Variants in FAM131B observed in about 807,000 individuals in gnomAD.
FAM131B encodes family with sequence similarity 131 member B.
A neutral mutation model predicts 42.0 loss-of-function variants in FAM131B; 19 were observed. The observed-to-expected ratio is 0.45, with a 90% CI of 0.32 to 0.66. FAM131B has a LOEUF of 0.66. FAM131B is among the 30% of genes least tolerant of loss of function. The probability of loss-of-function intolerance (pLI) is 0.05; values close to 1 mark genes in which losing one functional copy is unlikely to be tolerated. For synonymous variants in FAM131B, 183 were observed against 177.6 expected (o/e 1.03, Z -0.24); for missense variants, 370 against 468.4 (o/e 0.79, Z 1.94).
Position 143,359,177 on chromosome 7 carries a change from G to A in FAM131B, c.268+149C>T. The A allele has an allele frequency of 2.0e-6, 2 of 1,023,004 alleles. No homozygotes were observed. Among genetic ancestry groups the A allele is most frequent in the Non-Finnish European group, 2.9e-6 (2 of 684,552 alleles). The allele number at this position is 1,023,004 out of a possible 1,614,324, so 63.4% of individuals were successfully genotyped here. A position where few individuals can be genotyped will look rare whatever the true frequency, so the allele number is the denominator to read the frequency against. ...CATAGATGGGGTAGTGGAGGGAATG[G>A]CCTGGAGGATGGGAGGCTTGACAGA... is the stretch of plus-strand genomic sequence containing the variant. On this transcript the variant is annotated intron_variant, in intron 4 of 6. Transcript: ENST00000443739. The surrounding 1 kb of genome is among the most constrained non-coding windows in gnomAD (Gnocchi z 5.4).
chr7:143,358,627 G>C lies in FAM131B; in HGVS notation c.466+200C>G, dbSNP rs1212934127. Among the ~76,000 whole-genome samples, 1 of 152,132 alleles carries C rather than the reference G, an allele frequency of 6.6e-6. No homozygotes were observed. Among genetic ancestry groups the C allele is most frequent in the Non-Finnish European group, 1.5e-5 (1 of 68,024 alleles). ...ACCCACAAATCCCATCTAATTACAC[G>C]CATTTTCTGAGATGATTATAAAAAT... On this transcript the variant is annotated intron_variant, in intron 5 of 6. Transcript: ENST00000443739. This position sits in a 1 kb window ranked among gnomAD's most constrained non-coding sequence, Gnocchi z 4.7.
chr7:143,363,939 G>A (rs1005919100), upstream of FAM131B: 23 of 152,328 alleles, frequency 1.5e-4, no homozygotes, highest in African/African-American at 4.8e-4. Context: ...GGTGGCAGAT[G>A]AAGATGTGCA....
At chr7:143,365,219 G>A (rs1388690848), upstream of FAM131B, among the ~76,000 whole-genome samples, 1 of 152,218 alleles carries the variant, frequency 6.6e-6, no homozygotes, top group Non-Finnish European at 1.5e-5. Flanking sequence ...GGAGGGGGAT[G>A]AGACTGTACA....
At chr7:143,360,351 C>G in intron 1 of FAM131B, 2 of 1,416,052 alleles carry the variant, frequency 1.4e-6, no homozygotes, top group South Asian at 1.5e-5. Context: ...ATAGTGCACT[C>G]AGAAAAAGTG....
At chr7:143,374,011 C>T in the FAM131B span, among the ~76,000 whole-genome samples, 5 of 152,146 alleles carry the variant, frequency 3.3e-5, no homozygotes, top group Non-Finnish European at 7.4e-5. Flanking sequence ...TTCCACCTAA[C>T]CATAAAATGC....
rs754357387 is a variant in FAM131B, at chr7:143,356,918, G to C, written c.715C>G (p.Leu239Val). 1.9e-5 allele frequency: 30 copies of C among 1,613,978 alleles called. No homozygotes were observed. The highest frequency in any genetic ancestry group is 1.9e-5 in the Non-Finnish European group (23 of 1,180,036). The part of the protein sequence containing the change: ...SDAWEASDQS[L>V]IASPATGSYL... ...GATCCTGTGGCCGGAGAGGCAATGA[G>C]GGACTGATCGCTGGCTTCCCAGGCA... The change falls in exon 7 of 7, where the codon CTC becomes GTC. Residue 239 changes from leucine to valine, a missense_variant. Leu to Val is a conservative substitution (Grantham distance 32). Transcript: ENST00000443739. This position sits in a 1 kb window ranked among gnomAD's most constrained non-coding sequence, Gnocchi z 4.4.
rs1803559049 is a variant in FAM131B, at chr7:143,354,316, G to A, written c.*2234C>T. The A allele has an allele frequency of 1.3e-5, 2 of 152,238 alleles. No individual in the cohort carries two copies. The highest frequency in any genetic ancestry group is 2.4e-5 in the African/African-American group (1 of 41,448). The allele number at this position is 152,238 out of a possible 1,614,324, so 9.4% of individuals were successfully genotyped here. ...TTGGGAAAGGGAAGGAGGAACGAAA[G>A]CTGCTGTGGTCTACCTTTCCTAACT... On this transcript the variant is annotated 3_prime_UTR_variant, in exon 7 of 7. Transcript: ENST00000443739.
chr7:143,370,857 T>A, the FAM131B span, among the ~76,000 whole-genome samples: 1 of 152,218 alleles, frequency 6.6e-6, no homozygotes, highest in Non-Finnish European at 1.5e-5. Flanking sequence ...TTGTGCGAGA[T>A]CCAAGAACCC....
At chr7:143,381,677 G>A in the FAM131B span, 1 of 1,611,148 alleles carries the variant, frequency 6.2e-7, no homozygotes, top group Non-Finnish European at 8.5e-7. Flanking sequence ...AAAGCCCAAA[G>A]TGAATCCCTT....
Position 143,356,606 on chromosome 7 carries a change from C to A in FAM131B, c.1027G>T (p.Val343Phe). 6.2e-7 allele frequency: 1 copy of A among 1,614,002 alleles called. No individual in the cohort carries two copies. Among genetic ancestry groups the A allele is most frequent in the Non-Finnish European group, 8.5e-7 (1 of 1,180,016 alleles). The change falls in exon 7 of 7, where the codon GTC (valine) becomes TTC (phenylalanine). Residue 343 changes from valine to phenylalanine, a missense_variant. Coordinates refer to ENST00000443739, the MANE Select transcript of FAM131B (RefSeq NM_001031690.3). The surrounding 1 kb of genome is among the most constrained non-coding windows in gnomAD (Gnocchi z 4.4). Reference sequence around the variant, plus strand: ...AAGGACTGCACACCTGAGGATGTGACGTCAGACACCTTCCGGCTGAGAGCG... The same window carrying A: ...AAGGACTGCACACCTGAGGATGTGAAGTCAGACACCTTCCGGCTGAGAGCG... ...STALSRKVSD[V>F]TSSGVQSFDE...
At chr7:143,367,034 C>T (rs1027370561), upstream of FAM131B, among the ~76,000 whole-genome samples, 1 of 152,136 alleles carries the variant, frequency 6.6e-6, no homozygotes, top group Non-Finnish European at 1.5e-5. Context: ...AGTTGTATTC[C>T]CACATAGTAG....
the FAM131B span, among the ~76,000 whole-genome samples, chr7:143,377,058 C>T: frequency 1.3e-5 from 2 of 152,176 alleles, no homozygotes; most frequent in Non-Finnish European, 2.9e-5. Context: ...TCACTGCAAC[C>T]TCCACCTCCT....
At position 143,359,654 on chromosome 7, in the gene FAM131B, C is replaced by G. The variant is rs768172165; in HGVS notation, c.174+78G>C. The G allele has an allele frequency of 5.1e-6, 7 of 1,362,146 alleles. No individual in the cohort carries two copies. The highest frequency in any genetic ancestry group is 7.2e-6 in the Non-Finnish European group (7 of 973,922). 84.4% of individuals were successfully genotyped at this position (1,362,146 alleles called of 1,614,324 possible). ...CCTATTGGAGCCAGGGAATACCGTG[C>G]TGGTTGGAAGGTGCAAGGGAGAAGA... On this transcript the variant is annotated intron_variant, in intron 3 of 6. Coordinates refer to ENST00000443739, the MANE Select transcript of FAM131B (RefSeq NM_001031690.3). The surrounding 1 kb of genome is among the most constrained non-coding windows in gnomAD (Gnocchi z 5.4).
chr7:143,381,540 C>T, the FAM131B span: 1 of 1,597,688 alleles, frequency 6.3e-7, no homozygotes, highest in Non-Finnish European at 8.5e-7. Context: ...GCTGCGTAAC[C>T]CGGCGACCCA....
At chr7:143,382,072 G>C in the FAM131B span, 1 of 625,830 alleles carries the variant, frequency 1.6e-6, no homozygotes, top group Non-Finnish European at 2.7e-6. Context: ...TCGGCAGTGC[G>C]CCCGGCCTTT....
Position 143,358,363 on chromosome 7 carries a change from CT to C in FAM131B, c.466+463del, listed in dbSNP as rs1303049944. On this transcript the variant is annotated intron_variant, in intron 5 of 6. Coordinates refer to ENST00000443739, the MANE Select transcript of FAM131B (RefSeq NM_001031690.3). The surrounding 1 kb of genome is among the most constrained non-coding windows in gnomAD (Gnocchi z 4.7). ...CTACACTACTTTCCTGGAACTAAAC[CT>C]CTTCTGTAGGCCTCCCGTCTCTCAC... Among the ~76,000 whole-genome samples, 1 of 152,206 alleles carries C rather than the reference CT, an allele frequency of 6.6e-6. No individual in the cohort carries two copies. The highest frequency in any genetic ancestry group is 1.5e-5 in the Non-Finnish European group (1 of 68,048).
At position 143,359,656 on chromosome 7, in the gene FAM131B, G is replaced by T. The variant is rs1417636948; in HGVS notation, c.174+76C>A. On this transcript the variant is annotated intron_variant, in intron 3 of 6. Transcript: ENST00000443739. The surrounding 1 kb of genome is among the most constrained non-coding windows in gnomAD (Gnocchi z 5.4). ...TATTGGAGCCAGGGAATACCGTGCT[G>T]GTTGGAAGGTGCAAGGGAGAAGATG... The T allele has an allele frequency of 1.5e-6, 2 of 1,371,412 alleles. No individual in the cohort carries two copies. The highest frequency in any genetic ancestry group is 1.2e-5 in the South Asian group (1 of 80,498). The allele number at this position is 1,371,412 out of a possible 1,614,324, so 85.0% of individuals were successfully genotyped here.
the FAM131B span, among the ~76,000 whole-genome samples, chr7:143,377,242 G>A: frequency 6.6e-6 from 1 of 152,222 alleles, no homozygotes; most frequent in African/African-American, 2.4e-5. Flanking sequence ...ACAGGCATGA[G>A]CCACTGCGCC....
In FAM131B at chr7:143,359,450, G is replaced by C. The variant is rs533100363; in HGVS notation, c.175-31C>G. The C allele has an allele frequency of 1.3e-6, 2 of 1,530,934 alleles. No individual in the cohort carries two copies. Among genetic ancestry groups the C allele is most frequent in the East Asian group, 2.2e-5 (1 of 44,532 alleles). The allele number at this position is 1,530,934 out of a possible 1,614,324, so 94.8% of individuals were successfully genotyped here. A position where few individuals can be genotyped will look rare whatever the true frequency, so the allele number is the denominator to read the frequency against. On this transcript the variant is annotated intron_variant, in intron 3 of 6. Coordinates refer to ENST00000443739, the MANE Select transcript of FAM131B (RefSeq NM_001031690.3). This position sits in a 1 kb window ranked among gnomAD's most constrained non-coding sequence, Gnocchi z 5.4. ...ATGGGAATGTGGGAGGAAGGGCAGA[G>C]GAATAAGAAGGTACGGGCGTGCTTT...
Sources: gnomAD v4.1 joint callset for allele counts (sites outside exome capture counted in the v4.1 genomes callset) on GRCh38, gnomAD v4.1.1 for gene constraint, Gnocchi (gnomAD v3.1) non-coding constraint, MANE v1.5 for transcripts, NCBI Gene and HGNC (gene_info 2026-07-23, HGNC 2026-07-21) for gene names.